The following PACS1 variants were observed in gnomAD, a reference collection of about 807,000 sequenced individuals.
PACS1 encodes the protein phosphofurin acidic cluster sorting protein 1, also known as PACS-1.
PACS1 carries 24 observed loss-of-function variants against 115.0 expected under a neutral mutation model. The ratio of observed to expected loss-of-function variants is 0.21; its 90% CI spans 0.15 to 0.29. PACS1 has a LOEUF of 0.29. Ranked by LOEUF, PACS1 falls within the 10% of genes least tolerant of loss-of-function variation. The pLI is 1.00. For missense variants in PACS1, 838 were observed against 1,251.2 expected (o/e 0.67, Z 4.98); for synonymous variants, 453 against 504.5 (o/e 0.90, Z 1.37).
chr11:66,202,742 A>AAAATATAT (rs1200930188), intron 2 of PACS1, among the ~76,000 whole-genome samples: 27 of 71,590 alleles, frequency 3.8e-4, no homozygotes, highest in African/African-American at 7.9e-4. Context: ...AAAAAAAAAA[A>AAAATATAT]ATATATATAT....
chr11:66,187,300 G>A (rs1004493253), intron 1 of PACS1, among the ~76,000 whole-genome samples: 1 of 152,096 alleles, frequency 6.6e-6, no homozygotes, highest in Non-Finnish European at 1.5e-5. Context: ...CATCTCAAAC[G>A]CTGATCATTT....
intron 1 of PACS1, among the ~76,000 whole-genome samples, chr11:66,188,883 G>A (rs529785924): frequency 1.2e-4 from 18 of 152,238 alleles, no homozygotes; most frequent in African/African-American, 3.6e-4. Flanking sequence ...ATGTTAAAAA[G>A]TTCATTTATA....
At position 66,243,420 on chromosome 11, in the gene PACS1, G is replaced by A. The variant is rs1233918245; in HGVS notation, c.*140G>A. On this transcript the variant is annotated 3_prime_UTR_variant, in exon 24 of 24. Transcript: ENST00000320580. ...CCTCTCACTCGCCCAGGTCCCGAAGGACACTGCCACAGGGACGCCTTCCCT... is the reference window on the plus strand; with the variant it reads ...CCTCTCACTCGCCCAGGTCCCGAAGAACACTGCCACAGGGACGCCTTCCCT... The A allele has an allele frequency of 1.6e-6, 1 of 637,144 alleles. No homozygotes were observed. Among genetic ancestry groups the A allele is most frequent in the African/African-American group, 1.8e-5 (1 of 55,042 alleles). The allele number at this position is 637,144 out of a possible 1,614,324, so 39.5% of individuals were successfully genotyped here.
chr11:66,226,237 C>T (rs1367752783), intron 10 of PACS1, among the ~76,000 whole-genome samples: 1 of 152,174 alleles, frequency 6.6e-6, no homozygotes, highest in Non-Finnish European at 1.5e-5. Context: ...GCTAGCTCTG[C>T]AATCTGGAAG....
At chr11:66,155,561 C>T (rs78314035) in intron 1 of PACS1, among the ~76,000 whole-genome samples, 2,630 of 152,218 alleles carry the variant, frequency 0.017, 74 homozygotes, top group African/African-American at 0.06. Flanking sequence ...TTACCCTCTA[C>T]GTATGGCTAA....
At chr11:66,222,813 G>A (rs1018897654) in intron 10 of PACS1, among the ~76,000 whole-genome samples, 1 of 151,990 alleles carries the variant, frequency 6.6e-6, no homozygotes, top group Non-Finnish European at 1.5e-5. Context: ...ACCTTCTCTT[G>A]GGGCATCCCC....
intron 1 of PACS1, among the ~76,000 whole-genome samples, chr11:66,132,521 A>G (rs983129856): frequency 1.3e-5 from 2 of 152,084 alleles, no homozygotes; most frequent in East Asian, 1.9e-4. Context: ...TCGTACTTTA[A>G]TCTCTTGAAT....
chr11:66,100,391 T>C (rs1857888262), intron 1 of PACS1, among the ~76,000 whole-genome samples: 1 of 152,174 alleles, frequency 6.6e-6, no homozygotes, highest in Non-Finnish European at 1.5e-5. Flanking sequence ...CCTTGCCTTC[T>C]GTCTACCACA....
intron 1 of PACS1, among the ~76,000 whole-genome samples, chr11:66,134,852 A>G (rs531578766): frequency 6.6e-6 from 1 of 152,264 alleles, no homozygotes; most frequent in South Asian, 2.1e-4. Context: ...TGCCGGAGAT[A>G]ATCCTTCTTA....
intron 1 of PACS1, among the ~76,000 whole-genome samples, chr11:66,130,840 C>T (rs751979393): frequency 1.8e-4 from 28 of 152,096 alleles, no homozygotes; most frequent in Non-Finnish European, 3.7e-4. Flanking sequence ...GAGGCTGAGG[C>T]AGAAGGATCG....
chr11:66,127,284 C>T (rs546615021), intron 1 of PACS1, among the ~76,000 whole-genome samples: 4 of 152,170 alleles, frequency 2.6e-5, no homozygotes, highest in Non-Finnish European at 4.4e-5. Context: ...TCTGAACCCC[C>T]GGTGAATTTT....
rs773013363 is a variant in PACS1 at position 66,217,075 on chromosome 11, C to T, written c.978+300C>T. 9 of 404,570 alleles carry T rather than the reference C, an allele frequency of 2.2e-5. 1 individual carries two copies. Among genetic ancestry groups the T allele is most frequent in the South Asian group, 8.0e-5 (3 of 37,444 alleles). The allele number at this position is 404,570 out of a possible 1,614,324, so 25.1% of individuals were successfully genotyped here. A position where few individuals can be genotyped will look rare whatever the true frequency, so the allele number is the denominator to read the frequency against. On this transcript the variant is annotated intron_variant, in intron 7 of 23. Coordinates refer to ENST00000320580, the MANE Select transcript of PACS1 (RefSeq NM_018026.4). ...GTCCATCAGGGAACAGACCGCCTCC[C>T]ACCCACTCCAGTGGCTGCTTCATGT... is the stretch of plus-strand genomic sequence containing the variant.
chr11:66,169,474 G>A lies in PACS1; in HGVS notation c.357-24012G>A, dbSNP rs987580690. On this transcript the variant is annotated intron_variant, in intron 1 of 23. Coordinates refer to ENST00000320580, the MANE Select transcript of PACS1 (RefSeq NM_018026.4). ...GAATGCAGTGGCTCAATCTTGGCTCGCTGCAACCTCTGCCTCCCAGGTTCA... is the reference window on the plus strand; with the variant it reads ...GAATGCAGTGGCTCAATCTTGGCTCACTGCAACCTCTGCCTCCCAGGTTCA... Among the ~76,000 whole-genome samples the A allele has an allele frequency of 4.0e-5, 6 of 148,804 alleles. 1 individual carries two copies. The highest frequency in any genetic ancestry group is 1.3e-4 in the Admixed American group (2 of 15,036).
At chr11:66,071,035 G>C (rs1312333286) in intron 1 of PACS1, among the ~76,000 whole-genome samples, 193 bp downstream of exon 1, 1 of 152,102 alleles carries the variant, frequency 6.6e-6, no homozygotes, top group Admixed American at 6.5e-5. Flanking sequence ...CCCACCTTCT[G>C]CCTGGGGCCG....
chr11:66,085,250 C>A (rs1205348756), intron 1 of PACS1, among the ~76,000 whole-genome samples: 1 of 152,084 alleles, frequency 6.6e-6, no homozygotes, highest in Non-Finnish European at 1.5e-5. Context: ...AGCCTGTCTG[C>A]ACTTCCTAGG....
intron 14 of PACS1, among the ~76,000 whole-genome samples, chr11:66,232,740 C>T (rs1419302032): frequency 2.0e-5 from 3 of 152,072 alleles, no homozygotes; most frequent in East Asian, 1.9e-4. Flanking sequence ...TGTGAAACCC[C>T]CTAAGGCTTC....
At chr11:66,160,482 T>A (rs1859461108) in intron 1 of PACS1, among the ~76,000 whole-genome samples, 1 of 152,068 alleles carries the variant, frequency 6.6e-6, no homozygotes, top group Admixed American at 6.6e-5. Flanking sequence ...ATGATCTTTA[T>A]AGGAAATGTG....
chr11:66,093,672 A>C (rs1304457388), intron 1 of PACS1, among the ~76,000 whole-genome samples: 1 of 150,182 alleles, frequency 6.7e-6, no homozygotes, highest in Non-Finnish European at 1.5e-5. Flanking sequence ...CCAGGAATTG[A>C]ACTCACCTCT....
chr11:66,141,074 C>A (rs901340973), intron 1 of PACS1, among the ~76,000 whole-genome samples: 28 of 152,228 alleles, frequency 1.8e-4, no homozygotes, highest in Admixed American at 3.9e-4. Context: ...AGAATAAATT[C>A]ACATTTGTAT....
Sources: allele counts gnomAD v4.1 joint callset (sites outside exome capture counted in the v4.1 genomes callset), GRCh38; gene constraint gnomAD v4.1.1; transcripts MANE v1.5; gene names NCBI Gene and HGNC (gene_info 2026-07-23, HGNC 2026-07-21).